AASDH: variants seen among roughly 807,000 people sequenced by gnomAD.
AASDH encodes the protein beta-alanine-activating enzyme.
AASDH carries 81 observed loss-of-function variants against 102.3 expected under a neutral mutation model. The ratio of observed to expected loss-of-function variants is 0.79; its 90% CI spans 0.66 to 0.95. AASDH has a LOEUF of 0.95. Among genes scored for constraint, AASDH ranks in the 40% least tolerant of loss-of-function variants. The probability of loss-of-function intolerance (pLI) is 0.00; values close to 1 mark genes in which losing one functional copy is unlikely to be tolerated. For synonymous variants in AASDH, 398 were observed against 454.0 expected, an observed-to-expected ratio of 0.88 and a Z score of 1.57; for missense variants, 1,203 against 1,266.2, an observed-to-expected ratio of 0.95 and a Z score of 0.76.
rs370393369 is a variant in AASDH at position 56,355,347 on chromosome 4, C to A, written c.938G>T (p.Arg313Leu). 3 of 1,614,124 alleles carry A rather than the reference C, an allele frequency of 1.9e-6. No individual in the cohort carries two copies. The African/African-American group carries it at 4.0e-5, about 22-fold the overall frequency. Residue 313 changes from arginine (R) to leucine (L), a missense_variant, in exon 6 of 15, where the codon CGA becomes CTA. Arg to Leu is a moderately radical substitution (Grantham distance 102, BLOSUM62 -2). Transcript: ENST00000205214. ...STVLSATTSL[R>L]VLALGGEAFP... ...CGCTTCACCACCAAGGGCTAATACTCGAAGAGAAGTAGTGGCTGACAAAAC... is the reference window on the plus strand; with the variant it reads ...CGCTTCACCACCAAGGGCTAATACTAGAAGAGAAGTAGTGGCTGACAAAAC...
chr4:56,374,253 C>T (rs935063910), intron 4 of AASDH, among the ~76,000 whole-genome samples: 2 of 150,946 alleles, frequency 1.3e-5, no homozygotes, highest in African/African-American at 4.9e-5. Context: ...GTGGCGTGCA[C>T]CTATAGTGGG....
intron 4 of AASDH, among the ~76,000 whole-genome samples, chr4:56,376,462 T>G (rs1277802294): frequency 6.6e-6 from 1 of 152,220 alleles, no homozygotes; most frequent in Non-Finnish European, 1.5e-5. Context: ...ATCTCCAGCC[T>G]AATGTAATCT....
intron 9 of AASDH, among the ~76,000 whole-genome samples, chr4:56,352,561 T>A (rs1005264782): frequency 6.6e-6 from 1 of 152,164 alleles, no homozygotes; most frequent in African/African-American, 2.4e-5. Flanking sequence ...AATCAGCTAA[T>A]TTTTTTGTAT....
At chr4:56,343,098 T>C (rs970856836) in intron 13 of AASDH, 132 bp from the exon 14 acceptor site, 4 of 804,102 alleles carry the variant, frequency 5.0e-6, no homozygotes, top group Non-Finnish European at 6.9e-6. Context: ...TATGCAGACA[T>C]AAATGAAGCT....
At chr4:56,344,729 T>A (rs1207068605) in intron 12 of AASDH, among the ~76,000 whole-genome samples, 1 of 152,094 alleles carries the variant, frequency 6.6e-6, no homozygotes, top group African/African-American at 2.4e-5. Context: ...AGCACACTTA[T>A]TTGTGGTAAA....
At chr4:56,363,446 C>T (rs1185184783) in intron 5 of AASDH, among the ~76,000 whole-genome samples, 2 of 152,166 alleles carry the variant, frequency 1.3e-5, no homozygotes, top group South Asian at 2.1e-4. Flanking sequence ...CCCTGAACCC[C>T]GGGTAGCCTA....
intron 6 of AASDH, 139 bp downstream of exon 6, chr4:56,355,043 C>G (rs1242032957): frequency 8.8e-7 from 1 of 1,138,092 alleles, no homozygotes. Context: ...AAGGAAGGTT[C>G]TGGATTCCCA....
At chr4:56,386,825 A>G (rs865908887) in intron 1 of AASDH, among the ~76,000 whole-genome samples, 9 of 138,926 alleles carry the variant, frequency 6.5e-5, no homozygotes, top group African/African-American at 1.7e-4. Flanking sequence ...AAAAAAAAGG[A>G]AAAAAAAAAG....
intron 11 of AASDH, among the ~76,000 whole-genome samples, chr4:56,347,629 T>C (rs1748473399): frequency 6.6e-6 from 1 of 152,212 alleles, no homozygotes; most frequent in South Asian, 2.1e-4. Flanking sequence ...AGGCCAGACA[T>C]GGTGGCTCAC....
At chr4:56,379,988 G>A (rs1460166739) in intron 3 of AASDH, among the ~76,000 whole-genome samples, 2 of 152,186 alleles carry the variant, frequency 1.3e-5, no homozygotes, top group African/African-American at 4.8e-5. Context: ...GGATCCAATT[G>A]AAGGTGGCAA....
chr4:56,338,771 A>AT lies in AASDH; in HGVS notation c.2927_2928insA (p.Ser976ArgfsTer23). ...TACACGGGGATGAAAAGATTGGTCCACTGGTAGAGAACTGCCAAACCTATA... is the reference window on the plus strand; with the variant it reads ...TACACGGGGATGAAAAGATTGGTCCATCTGGTAGAGAACTGCCAAACCTATA... On this transcript the variant is annotated frameshift_variant, in exon 15 of 15. Coordinates refer to ENST00000205214, the MANE Select transcript of AASDH (RefSeq NM_181806.4). LOFTEE classifies it low-confidence loss of function (END_TRUNC). The AT allele has an allele frequency of 1.2e-6, 2 of 1,614,112 alleles. No individual in the cohort carries two copies. The highest frequency in any genetic ancestry group is 1.7e-6 in the Non-Finnish European group (2 of 1,179,998).
intron 11 of AASDH, among the ~76,000 whole-genome samples, chr4:56,345,624 G>T (rs763624916): frequency 6.6e-6 from 1 of 152,150 alleles, no homozygotes; most frequent in East Asian, 1.9e-4. Flanking sequence ...ATTTCATCAC[G>T]ACTGTCACTG....
At chr4:56,370,360 AAG>A (rs965870435) in intron 5 of AASDH, among the ~76,000 whole-genome samples, 11 of 150,504 alleles carry the variant, frequency 7.3e-5, no homozygotes, top group African/African-American at 7.3e-5. Flanking sequence ...TGTCAAAAGA[AAG>A]AGAGAGAGAG....
chr4:56,369,343 G>A (rs539409020), intron 5 of AASDH, among the ~76,000 whole-genome samples: 8 of 152,210 alleles, frequency 5.3e-5, no homozygotes, highest in South Asian at 4.1e-4. Flanking sequence ...CAAACATTCC[G>A]TGAGAAATAT....
chr4:56,338,816 A>G (rs754465693), intron 14 of AASDH, 25 bp from the exon 15 acceptor site: 3 of 1,593,580 alleles, frequency 1.9e-6, no homozygotes, highest in Non-Finnish European at 1.7e-6. Context: ...AAAAATAAAT[A>G]TAATTCATTC....
At chr4:56,356,923 C>G in intron 5 of AASDH, 5 of 878,512 alleles carry the variant, frequency 5.7e-6, no homozygotes, top group Non-Finnish European at 9.2e-6. Flanking sequence ...TGCCACTAAA[C>G]TGGGTTAAAT....
At chr4:56,371,168 T>C (rs997360944) in intron 5 of AASDH, among the ~76,000 whole-genome samples, 1 of 152,236 alleles carries the variant, frequency 6.6e-6, no homozygotes, top group Non-Finnish European at 1.5e-5. Flanking sequence ...AGAGGCAGCC[T>C]ATCCTTCTCA....
chr4:56,360,555 A>C (rs1218817457), intron 5 of AASDH, among the ~76,000 whole-genome samples: 2 of 152,252 alleles, frequency 1.3e-5, no homozygotes, highest in Non-Finnish European at 2.9e-5. Context: ...GCAGTTTTAA[A>C]AAACATAAAC....
chr4:56,345,037 G>C, intron 12 of AASDH, 90 bp downstream of exon 12: 2 of 1,409,436 alleles, frequency 1.4e-6, no homozygotes, highest in Non-Finnish European at 9.6e-7. Flanking sequence ...CACCTCCCAG[G>C]TTCACGCAAT....
Sources: gnomAD v4.1 joint callset for allele counts (sites outside exome capture counted in the v4.1 genomes callset) on GRCh38, gnomAD v4.1.1 for gene constraint, MANE v1.5 for transcripts, NCBI Gene and HGNC (gene_info 2026-07-23, HGNC 2026-07-21) for gene names.